TJP1: variants seen among roughly 807,000 people sequenced by gnomAD.
TJP1 encodes tight junction protein 1, also known as tight junction protein ZO-1.
Under a neutral mutation model 194.2 loss-of-function variants are expected in TJP1, and 43 were observed. That is an observed-to-expected ratio of 0.22 (90% confidence interval 0.17 to 0.29). The LOEUF (loss-of-function observed/expected upper bound fraction) is 0.29, where lower values mean the gene tolerates loss of function less well. Among genes scored for constraint, TJP1 ranks in the 10% least tolerant of loss-of-function variants. The pLI, the probability that TJP1 is intolerant of heterozygous loss-of-function variation, is 1.00. For missense variants in TJP1, 1,971 were observed against 2,185.7 expected (o/e 0.90, Z 1.96); for synonymous variants, 801 against 779.0 (o/e 1.03, Z -0.47).
chr15:29,753,483 C>CAAA (rs34221786), intron 8 of TJP1, among the ~76,000 whole-genome samples: 10 of 47,930 alleles, frequency 2.1e-4, no homozygotes, highest in South Asian at 8.1e-4. Context: ...GACTCTGTGT[C>CAAA]AAAAAAAAAA....
chr15:29,901,145 G>A (rs2053622637), intron 2 of TJP1, among the ~76,000 whole-genome samples: 2 of 152,110 alleles, frequency 1.3e-5, no homozygotes, highest in Admixed American at 1.3e-4. Flanking sequence ...ATAGAGAAGG[G>A]CATTGACGGA....
At chr15:29,892,170 C>T (rs187262676) in intron 2 of TJP1, among the ~76,000 whole-genome samples, 12 of 152,242 alleles carry the variant, frequency 7.9e-5, no homozygotes, top group African/African-American at 2.4e-4. Context: ...GATAGAAGAT[C>T]AAACCAGCCA....
At chr15:29,916,011 A>G (rs967179829) in intron 2 of TJP1, among the ~76,000 whole-genome samples, 5 of 152,134 alleles carry the variant, frequency 3.3e-5, no homozygotes, top group African/African-American at 1.2e-4. Flanking sequence ...TTACTAGGCC[A>G]AGGCGGGCGG....
intron 2 of TJP1, among the ~76,000 whole-genome samples, chr15:29,797,104 T>C (rs1318906991): frequency 6.6e-6 from 1 of 152,186 alleles, no homozygotes; most frequent in Admixed American, 6.5e-5. Context: ...ACCAAAAACA[T>C]GATTGATAAA....
At chr15:29,726,257 T>C (rs756887253) in intron 18 of TJP1, 122 bp downstream of exon 18, 18 of 833,546 alleles carry the variant, frequency 2.2e-5, no homozygotes, top group Non-Finnish European at 3.4e-5. Context: ...ACCTAAAAGC[T>C]AACTTTCCCC....
chr15:29,826,597 C>A (rs117152331), upstream of TJP1, among the ~76,000 whole-genome samples: 180 of 152,322 alleles, frequency 1.2e-3, 2 homozygotes, highest in East Asian at 0.031. Flanking sequence ...CATCTTCCCC[C>A]CAAGGGTTAT....
At chr15:29,830,902 CCAA>C (rs1055872848) in intron 2 of TJP1, among the ~76,000 whole-genome samples, 49 of 152,020 alleles carry the variant, frequency 3.2e-4, no homozygotes, top group African/African-American at 1.1e-3. Flanking sequence ...GATACAGAAG[CCAA>C]CAACAAGTAG....
chr15:29,962,645 A>G (rs980128562), intron 1 of TJP1, among the ~76,000 whole-genome samples: 1 of 152,224 alleles, frequency 6.6e-6, no homozygotes, highest in South Asian at 2.1e-4. Flanking sequence ...GACACTGCTA[A>G]GTACAGAAGG....
At chr15:29,891,361 C>T (rs920343245) in intron 2 of TJP1, among the ~76,000 whole-genome samples, 3 of 152,158 alleles carry the variant, frequency 2.0e-5, no homozygotes, top group African/African-American at 7.2e-5. Flanking sequence ...CCTTTTTGGT[C>T]ATCTTTTCTT....
At chr15:29,756,930 C>T (rs2045678528) in intron 8 of TJP1, among the ~76,000 whole-genome samples, 1 of 152,112 alleles carries the variant, frequency 6.6e-6, no homozygotes, top group South Asian at 2.1e-4. Context: ...TAAGAAAGCA[C>T]ATTTGGAAAT....
At chr15:29,791,109 C>T (rs368573433) in intron 2 of TJP1, among the ~76,000 whole-genome samples, 3 of 151,162 alleles carry the variant, frequency 2.0e-5, no homozygotes, top group African/African-American at 7.2e-5. Context: ...TCACTGCAAT[C>T]TCTGCCTCCC....
chr15:29,968,266 GA>G, intron 1 of TJP1: 2 of 985,130 alleles, frequency 2.0e-6, no homozygotes, highest in South Asian at 9.4e-5. Flanking sequence ...CGCACACCGT[GA>G]TACCAATGAA....
chr15:29,961,334 CTTT>C (rs5811594), intron 1 of TJP1, among the ~76,000 whole-genome samples: 1 of 89,834 alleles, frequency 1.1e-5, no homozygotes, highest in Non-Finnish European at 1.9e-5. Context: ...TTTCCTAATT[CTTT>C]TTTTTTTTTT....
At chr15:29,883,191 AG>A (rs2052998621) in intron 2 of TJP1, among the ~76,000 whole-genome samples, 1 of 152,222 alleles carries the variant, frequency 6.6e-6, no homozygotes, top group Admixed American at 6.5e-5. Flanking sequence ...TTGTCAAAGA[AG>A]GTTAATTTGG....
chr15:29,850,760 T>C (rs888028597), intron 2 of TJP1, among the ~76,000 whole-genome samples: 2 of 152,080 alleles, frequency 1.3e-5, no homozygotes, highest in Admixed American at 6.5e-5. Flanking sequence ...GGTGGGCAGA[T>C]TGTTTGAGCC....
chr15:29,704,468 A>C (rs749707467), intron 26 of TJP1, among the ~76,000 whole-genome samples, 163 bp from the exon 27 acceptor site: 1 of 152,218 alleles, frequency 6.6e-6, no homozygotes, highest in Non-Finnish European at 1.5e-5. Flanking sequence ...CCACATATGG[A>C]ATCTTAAATT....
rs150278406 is a variant in TJP1 at position 29,810,358 on chromosome 15, G to A, written c.28-9656C>T. Among the ~76,000 whole-genome samples, 21 of 152,252 alleles carry A rather than the reference G, an allele frequency of 1.4e-4. 1 individual carries two copies. Among genetic ancestry groups the A allele is most frequent in the African/African-American group, 5.1e-4 (21 of 41,546 alleles). On this transcript the variant is annotated intron_variant, in intron 1 of 27. Coordinates refer to ENST00000614355, the MANE Select transcript of TJP1 (RefSeq NM_001330239.4). ...TTCCACTTAAAAGAAGGTAACTTGA[G>A]GGGACTAGAAATTAATTACTGATTT...
intron 8 of TJP1, among the ~76,000 whole-genome samples, chr15:29,750,157 C>T (rs995147358): frequency 6.6e-6 from 1 of 152,126 alleles, no homozygotes; most frequent in Non-Finnish European, 1.5e-5. Flanking sequence ...CAGGCACGTG[C>T]CACCACGCCC....
At chr15:29,841,254 G>C (rs1159454020) in intron 2 of TJP1, among the ~76,000 whole-genome samples, 1 of 152,168 alleles carries the variant, frequency 6.6e-6, no homozygotes, top group African/African-American at 2.4e-5. Context: ...ACCTAGACGA[G>C]GCTGCAGTTT....
Sources: allele counts gnomAD v4.1 joint callset (sites outside exome capture counted in the v4.1 genomes callset), GRCh38; gene constraint gnomAD v4.1.1; transcripts MANE v1.5; gene names NCBI Gene and HGNC (gene_info 2026-07-23, HGNC 2026-07-21).